The following DPP10 variants were observed in gnomAD, a reference collection of about 807,000 sequenced individuals.
The protein encoded by DPP10 is inactive dipeptidyl peptidase 10.
Under a neutral mutation model 120.9 loss-of-function variants are expected in DPP10, and 33 were observed. The observed-to-expected ratio is 0.27, with a 90% CI of 0.21 to 0.37. DPP10 has a LOEUF of 0.37. DPP10 is among the 10% of genes least tolerant of loss of function. The pLI is 1.00. For synonymous variants in DPP10, 337 were observed against 326.1 expected, an observed-to-expected ratio of 1.03 and a Z score of -0.36; for missense variants, 816 against 942.8, an observed-to-expected ratio of 0.87 and a Z score of 1.76.
intron 1 of DPP10, among the ~76,000 whole-genome samples, chr2:114,701,795 A>G (rs953634602): frequency 2.6e-5 from 4 of 152,168 alleles, no homozygotes; most frequent in East Asian, 1.9e-4. Flanking sequence ...GTGGGGACTT[A>G]TAACACTGTC....
At chr2:115,370,464 A>C (rs1483952146) in intron 3 of DPP10, among the ~76,000 whole-genome samples, 3 of 152,128 alleles carry the variant, frequency 2.0e-5, no homozygotes, top group African/African-American at 2.4e-5. Flanking sequence ...GAGAAAGCAG[A>C]GTAAACATAG....
chr2:115,006,482 G>T (rs911185327), intron 1 of DPP10, among the ~76,000 whole-genome samples: 3 of 151,178 alleles, frequency 2.0e-5, no homozygotes, highest in Admixed American at 2.0e-4. Flanking sequence ...CATCTCACAT[G>T]CAGAGACACA....
intron 1 of DPP10, among the ~76,000 whole-genome samples, chr2:115,148,364 C>A (rs531767207): frequency 1.3e-5 from 2 of 152,114 alleles, no homozygotes; most frequent in Admixed American, 6.6e-5. Context: ...AGATGAGGAT[C>A]TCAGTGACAT....
At chr2:115,082,400 TG>T (rs1708348474) in intron 1 of DPP10, among the ~76,000 whole-genome samples, 1 of 152,142 alleles carries the variant, frequency 6.6e-6, no homozygotes, top group South Asian at 2.1e-4. Context: ...TTTGTCTACA[TG>T]GAACTATGGT....
chr2:115,226,648 T>A (rs1574077470), intron 1 of DPP10, among the ~76,000 whole-genome samples: 1 of 152,218 alleles, frequency 6.6e-6, no homozygotes, highest in Admixed American at 6.5e-5. Context: ...TGACACTTTA[T>A]TGAGCACTTC....
At position 114,522,136 on chromosome 2, in the gene DPP10, C is replaced by T. The variant is rs1313789877; in HGVS notation, c.60+79298C>T. Among the ~76,000 whole-genome samples the T allele has an allele frequency of 9.4e-5, 14 of 149,714 alleles. 1 individual carries two copies. In the East Asian group the frequency reaches 1.4e-3, roughly 15 times the overall value. On this transcript the variant is annotated intron_variant, in intron 1 of 25. Coordinates refer to ENST00000410059, the MANE Select transcript of DPP10 (RefSeq NM_020868.6). ...CTGGGACTACAGGCGCCCGCCACTA[C>T]ACCCGGCTAATTTTTTTTTTTGTAT...
chr2:114,892,892 C>T (rs2106633836), intron 1 of DPP10, among the ~76,000 whole-genome samples: 1 of 152,206 alleles, frequency 6.6e-6, no homozygotes, highest in South Asian at 2.1e-4. Flanking sequence ...GGGAAAAGTC[C>T]CACAACCAAG....
rs1277255785 is a variant in DPP10, at chr2:114,754,454, A to G, written c.60+311616A>G. The stretch of plus-strand genomic sequence containing the variant: ...ATTCGATTGATTTGAATGTCAGGGC[A>G]TGTCTCTAAGTCTAGAGGGTAAGCA... On this transcript the variant is annotated intron_variant, in intron 1 of 25. Transcript: ENST00000410059. Among the ~76,000 whole-genome samples, 3 of 152,200 alleles carry G rather than the reference A, an allele frequency of 2.0e-5. No homozygotes were observed. The East Asian group carries it at 5.8e-4, about 29-fold the overall frequency.
chr2:114,556,600 G>A (rs1484529028), intron 1 of DPP10, among the ~76,000 whole-genome samples: 2 of 152,078 alleles, frequency 1.3e-5, no homozygotes, highest in Non-Finnish European at 2.9e-5. Flanking sequence ...GTTTTGAGGA[G>A]TGGGGCTGGT....
chr2:115,497,649 A>G (rs542962920), intron 3 of DPP10, among the ~76,000 whole-genome samples: 18 of 148,600 alleles, frequency 1.2e-4, no homozygotes, highest in Non-Finnish European at 1.9e-4. Context: ...GAAGTGGGCC[A>G]GAGATGAGAA....
At chr2:115,726,706 A>G (rs1202583714) in intron 7 of DPP10, among the ~76,000 whole-genome samples, 1 of 152,172 alleles carries the variant, frequency 6.6e-6, no homozygotes, top group Non-Finnish European at 1.5e-5. Context: ...TTAAATCACC[A>G]GAATTAAAAT....
intron 1 of DPP10, among the ~76,000 whole-genome samples, chr2:114,683,548 C>T (rs545484363): frequency 1.4e-5 from 2 of 146,378 alleles, no homozygotes; most frequent in Admixed American, 6.9e-5. Context: ...TCCTTCCTCC[C>T]TCTCTCTCTC....
At chr2:114,666,782 G>A (rs1697954952) in intron 1 of DPP10, among the ~76,000 whole-genome samples, 2 of 152,172 alleles carry the variant, frequency 1.3e-5, no homozygotes, top group Admixed American at 1.3e-4. Flanking sequence ...ATAGCTGTTA[G>A]ACTAGGAATG....
intron 1 of DPP10, among the ~76,000 whole-genome samples, chr2:114,819,929 T>A (rs1193742284): frequency 2.0e-5 from 3 of 152,230 alleles, no homozygotes; most frequent in South Asian, 4.1e-4. Context: ...TTTATTATAA[T>A]CTTTTCTTTA....
chr2:115,733,134 C>T (rs1416735290), intron 8 of DPP10, among the ~76,000 whole-genome samples: 3 of 152,066 alleles, frequency 2.0e-5, no homozygotes, highest in South Asian at 2.1e-4. Flanking sequence ...GAAAAATTCA[C>T]GAGATAAGCA....
intron 1 of DPP10, among the ~76,000 whole-genome samples, chr2:114,819,332 C>T (rs1282886222): frequency 6.6e-6 from 1 of 151,836 alleles, no homozygotes; most frequent in Admixed American, 6.6e-5. Context: ...GCTTTGAGAC[C>T]CCAAACAAGC....
chr2:114,915,004 G>A (rs1018646508), intron 1 of DPP10, among the ~76,000 whole-genome samples: 13 of 152,138 alleles, frequency 8.5e-5, no homozygotes, highest in African/African-American at 2.7e-4. Context: ...AGTGGTGGGC[G>A]CCTGTAGTCC....
At chr2:114,654,421 T>C (rs1247123239) in intron 1 of DPP10, among the ~76,000 whole-genome samples, 1 of 151,916 alleles carries the variant, frequency 6.6e-6, no homozygotes, top group African/African-American at 2.4e-5. Context: ...AAAAGCAGAG[T>C]GAAATTTTAT....
intron 1 of DPP10, among the ~76,000 whole-genome samples, chr2:115,069,426 C>T (rs1707190463): frequency 6.6e-6 from 1 of 152,032 alleles, no homozygotes; most frequent in Non-Finnish European, 1.5e-5. Flanking sequence ...TTAGTTCTAA[C>T]ACTTTTTCAA....
Sources: allele counts gnomAD v4.1 joint callset (sites outside exome capture counted in the v4.1 genomes callset), GRCh38; gene constraint gnomAD v4.1.1; transcripts MANE v1.5; gene names NCBI Gene and HGNC (gene_info 2026-07-23, HGNC 2026-07-21).